Variants in GLIS3 observed in about 807,000 individuals in gnomAD.
The protein encoded by GLIS3 is zinc finger protein GLIS3.
Under a neutral mutation model 78.6 loss-of-function variants are expected in GLIS3, and 53 were observed. That is an observed-to-expected ratio of 0.67 (90% CI 0.54 to 0.85). The LOEUF (loss-of-function observed/expected upper bound fraction) is 0.85. GLIS3 is among the 40% of genes least tolerant of loss of function. The probability of loss-of-function intolerance (pLI) is 0.00; values close to 1 mark genes in which losing one functional copy is unlikely to be tolerated. For synonymous variants in GLIS3, 684 were observed against 509.9 expected, an observed-to-expected ratio of 1.34 and a Z score of -4.60; for missense variants, 1,703 against 1,231.1, an observed-to-expected ratio of 1.38 and a Z score of -5.74.
intron 2 of GLIS3, among the ~76,000 whole-genome samples, chr9:4,317,561 TA>T (rs1817460212): frequency 6.6e-6 from 1 of 152,250 alleles, no homozygotes; most frequent in African/African-American, 2.4e-5. Flanking sequence ...AAAGTGAGTA[TA>T]AAACATTTTA....
chr9:4,068,638 G>A (rs1458758932), intron 4 of GLIS3, among the ~76,000 whole-genome samples: 7 of 152,074 alleles, frequency 4.6e-5, no homozygotes, highest in African/African-American at 1.7e-4. Flanking sequence ...AATTTCACAA[G>A]AGACATTCCC....
At chr9:4,056,241 C>A (rs1213394102) in intron 4 of GLIS3, among the ~76,000 whole-genome samples, 2 of 152,198 alleles carry the variant, frequency 1.3e-5, no homozygotes, top group East Asian at 3.8e-4. Context: ...CTCACAGAGC[C>A]TACATTTAAG....
At chr9:3,878,111 G>A (rs1281184038) in intron 8 of GLIS3, among the ~76,000 whole-genome samples, 4 of 151,856 alleles carry the variant, frequency 2.6e-5, no homozygotes, top group Non-Finnish European at 5.9e-5. Flanking sequence ...TCTTCTTGCT[G>A]CCTGGGATGC....
upstream of GLIS3, among the ~76,000 whole-genome samples, chr9:4,300,222 A>G (rs1817005834): frequency 6.6e-6 from 1 of 150,882 alleles, no homozygotes; most frequent in Non-Finnish European, 1.5e-5. Context: ...ACACACACAC[A>G]CACACACACA....
chr9:3,829,265 C>T, intron 10 of GLIS3, 45 bp downstream of exon 10: 3 of 1,583,534 alleles, frequency 1.9e-6, no homozygotes, highest in Non-Finnish European at 2.6e-6. Flanking sequence ...CCTGGTCTCT[C>T]CTGTCAGTTG....
chr9:4,240,400 C>T (rs1823187926), intron 2 of GLIS3, among the ~76,000 whole-genome samples: 1 of 152,146 alleles, frequency 6.6e-6, no homozygotes, highest in Non-Finnish European at 1.5e-5. Context: ...CACTCACCTC[C>T]TGCTGTGGGA....
chr9:4,365,839 T>C, the GLIS3 span, among the ~76,000 whole-genome samples: 2 of 152,360 alleles, frequency 1.3e-5, no homozygotes, highest in African/African-American at 2.4e-5. Flanking sequence ...ATTTGAGGTA[T>C]CAATATCTTC....
intron 2 of GLIS3, among the ~76,000 whole-genome samples, chr9:4,180,353 A>G (rs914117196): frequency 1.3e-5 from 2 of 152,308 alleles, no homozygotes; most frequent in South Asian, 4.2e-4. Flanking sequence ...GAAGTATACC[A>G]CAATAGGAAG....
chr9:4,032,599 C>G (rs538599038), intron 4 of GLIS3, among the ~76,000 whole-genome samples: 1 of 152,242 alleles, frequency 6.6e-6, no homozygotes, highest in Non-Finnish European at 1.5e-5. Flanking sequence ...TTGAGTATTT[C>G]TAATGTGCAA....
intron 2 of GLIS3, among the ~76,000 whole-genome samples, chr9:4,228,153 G>C (rs1587054216): frequency 1.1e-5 from 1 of 90,802 alleles, no homozygotes; most frequent in Admixed American, 1.2e-4. Context: ...TTTTTTGAAA[G>C]ACAAAAGGGT....
At chr9:4,408,524 C>T in the GLIS3 span, among the ~76,000 whole-genome samples, 7 of 151,024 alleles carry the variant, frequency 4.6e-5, no homozygotes, top group East Asian at 1.9e-4. Context: ...GTCAGGAGAT[C>T]GAGACCATCC....
At chr9:4,054,417 T>A in intron 4 of GLIS3, 1 of 985,416 alleles carries the variant, frequency 1.0e-6, no homozygotes, top group Non-Finnish European at 1.2e-6. Flanking sequence ...ATTTAACGGT[T>A]GGTTACAAAC....
At chr9:4,059,692 T>C (rs1826461629) in intron 4 of GLIS3, among the ~76,000 whole-genome samples, 1 of 152,134 alleles carries the variant, frequency 6.6e-6, no homozygotes, top group African/African-American at 2.4e-5. Context: ...TGGGCTACTT[T>C]CTTCTCACTC....
chr9:4,314,128 G>A (rs1440497805), intron 2 of GLIS3, among the ~76,000 whole-genome samples: 1 of 152,116 alleles, frequency 6.6e-6, no homozygotes, highest in African/African-American at 2.4e-5. Flanking sequence ...CAGCAATGTG[G>A]GAATAGTAAT....
chr9:4,294,281 G>C (rs1159305716), intron 1 of GLIS3, among the ~76,000 whole-genome samples: 1 of 152,300 alleles, frequency 6.6e-6, no homozygotes, highest in East Asian at 1.9e-4. Flanking sequence ...GGCCAAGGTG[G>C]GTGGATCACC....
intron 8 of GLIS3, among the ~76,000 whole-genome samples, chr9:3,876,494 A>T (rs924929597): frequency 1.3e-5 from 2 of 150,158 alleles, no homozygotes; most frequent in Non-Finnish European, 3.0e-5. Flanking sequence ...GAGTATGATT[A>T]TTATATTGGG....
intron 4 of GLIS3, among the ~76,000 whole-genome samples, chr9:4,101,732 T>C (rs1193824872): frequency 2.6e-5 from 4 of 152,192 alleles, no homozygotes; most frequent in South Asian, 2.1e-4. Flanking sequence ...CGGCTTGACA[T>C]AGTTGTAGAT....
At chr9:4,428,313 T>C in the GLIS3 span, among the ~76,000 whole-genome samples, 1 of 151,812 alleles carries the variant, frequency 6.6e-6, no homozygotes, top group Non-Finnish European at 1.5e-5. Flanking sequence ...ACTCCATGTC[T>C]ACTAAAAATA....
At chr9:3,871,747 C>G (rs1242411060) in intron 8 of GLIS3, among the ~76,000 whole-genome samples, 1 of 152,158 alleles carries the variant, frequency 6.6e-6, no homozygotes, top group Admixed American at 6.5e-5. Context: ...GGCCTTGGGG[C>G]CTGTGACTGG....
Sources: gnomAD v4.1 joint callset for allele counts (sites outside exome capture counted in the v4.1 genomes callset) on GRCh38, gnomAD v4.1.1 for gene constraint, MANE v1.5 for transcripts, NCBI Gene and HGNC (gene_info 2026-07-23, HGNC 2026-07-21) for gene names.